Variants in DTNB observed in about 807,000 individuals in gnomAD.
DTNB encodes dystrobrevin beta, also known as DTN-B.
Under a neutral mutation model 90.7 loss-of-function variants are expected in DTNB, and 63 were observed. The ratio of observed to expected loss-of-function variants is 0.69; its 90% CI spans 0.57 to 0.86. The LOEUF (loss-of-function observed/expected upper bound fraction) is 0.86. DTNB is among the 40% of genes least tolerant of loss of function. DTNB has a pLI of 0.00. For synonymous variants in DTNB, 277 were observed against 286.7 expected, an observed-to-expected ratio of 0.97 and a Z score of 0.34; for missense variants, 744 against 807.1, an observed-to-expected ratio of 0.92 and a Z score of 0.95.
chr2:25,451,100 A>G (rs894023927), intron 12 of DTNB, among the ~76,000 whole-genome samples: 1 of 152,192 alleles, frequency 6.6e-6, no homozygotes, highest in African/African-American at 2.4e-5. Context: ...ATCTTGTAGC[A>G]ATACTATAAA....
chr2:25,388,971 C>T (rs574301037), intron 16 of DTNB, among the ~76,000 whole-genome samples: 30 of 152,154 alleles, frequency 2.0e-4, no homozygotes, highest in East Asian at 3.9e-4. Context: ...TTCAGCCTCC[C>T]GAGTAGCTGG....
chr2:25,561,419 G>A (rs1430119317), intron 8 of DTNB, among the ~76,000 whole-genome samples: 2 of 152,158 alleles, frequency 1.3e-5, no homozygotes, highest in Non-Finnish European at 2.9e-5. Context: ...TCCAATGTCA[G>A]TTTAAATGTC....
intron 8 of DTNB, among the ~76,000 whole-genome samples, chr2:25,563,005 A>G (rs540418774): frequency 6.6e-6 from 1 of 152,284 alleles, no homozygotes; most frequent in East Asian, 1.9e-4. Flanking sequence ...CCTGGAGTCA[A>G]GCAATCCATC....
At position 25,580,693 on chromosome 2, in the gene DTNB, G is replaced by A. The variant is rs183172377; in HGVS notation, c.709+28C>T. On this transcript the variant is annotated intron_variant, in intron 7 of 20. Coordinates refer to ENST00000406818, the MANE Select transcript of DTNB (RefSeq NM_021907.5). ...AGTTCCTATACTTTCTATAGCATGC[G>A]GAATTGAACAATAAAAGTTCTGCTT... 6.0e-3 allele frequency: 9,436 copies of A among 1,578,704 alleles called. 47 individuals carry two copies. The highest frequency in any genetic ancestry group is 8.0e-3 in the Middle Eastern group (48 of 6,002).
intron 16 of DTNB, among the ~76,000 whole-genome samples, chr2:25,410,920 A>C (rs1558402391): frequency 6.6e-6 from 1 of 151,010 alleles, no homozygotes; most frequent in African/African-American, 2.4e-5. Flanking sequence ...TAAACAACTT[A>C]GGAACTGCCT....
chr2:25,599,423 G>C (rs2065358173), intron 5 of DTNB, among the ~76,000 whole-genome samples: 1 of 151,490 alleles, frequency 6.6e-6, no homozygotes, highest in Non-Finnish European at 1.5e-5. Flanking sequence ...CTCACTGCAA[G>C]CTCCACCTCC....
intron 4 of DTNB, among the ~76,000 whole-genome samples, chr2:25,616,961 AAG>A: frequency 1.3e-5 from 2 of 151,166 alleles, no homozygotes; most frequent in African/African-American, 2.4e-5. Context: ...AAGGAAAAAA[AAG>A]ACTCATTAAC....
At chr2:25,655,181 A>G (rs571465380) in intron 1 of DTNB, among the ~76,000 whole-genome samples, 1 of 152,330 alleles carries the variant, frequency 6.6e-6, no homozygotes, top group African/African-American at 2.4e-5. Context: ...GCAAATTACA[A>G]AGATTGAATT....
chr2:25,531,344 C>T (rs2078137012), intron 9 of DTNB, 129 bp downstream of exon 9: 2 of 1,405,374 alleles, frequency 1.4e-6, no homozygotes, highest in African/African-American at 2.9e-5. Flanking sequence ...GTCTTAAGTT[C>T]CCACAAAAGA....
intron 8 of DTNB, among the ~76,000 whole-genome samples, chr2:25,532,592 T>C (rs935126297): frequency 3.3e-5 from 5 of 152,214 alleles, no homozygotes; most frequent in Non-Finnish European, 4.4e-5. Flanking sequence ...GTAAGCAACA[T>C]GCCACAATTA....
intron 9 of DTNB, among the ~76,000 whole-genome samples, chr2:25,489,835 T>C (rs1234818931): frequency 6.6e-6 from 1 of 152,046 alleles, no homozygotes; most frequent in Non-Finnish European, 1.5e-5. Flanking sequence ...CCTGAACAAA[T>C]GTGACACAGC....
intron 9 of DTNB, among the ~76,000 whole-genome samples, chr2:25,505,265 C>G (rs1304566733): frequency 6.6e-6 from 1 of 152,172 alleles, no homozygotes; most frequent in Non-Finnish European, 1.5e-5. Flanking sequence ...CCTCTCCACT[C>G]AAGGCCTCCT....
chr2:25,507,619 C>T (rs2072802229), intron 9 of DTNB, among the ~76,000 whole-genome samples: 1 of 152,146 alleles, frequency 6.6e-6, no homozygotes, highest in Admixed American at 6.5e-5. Context: ...CCTCGTCCAC[C>T]CAAGTCTTCC....
chr2:25,414,534 A>G (rs1052134677), intron 16 of DTNB, among the ~76,000 whole-genome samples: 1 of 152,182 alleles, frequency 6.6e-6, no homozygotes. Flanking sequence ...GATTACAGGC[A>G]TGAGCCACCA....
intron 3 of DTNB, among the ~76,000 whole-genome samples, chr2:25,631,746 A>C (rs72797675): frequency 3.2e-3 from 486 of 152,318 alleles, no homozygotes; most frequent in Non-Finnish European, 5.4e-3. Context: ...TCTCTTAATA[A>C]GTGATAGTGC....
At chr2:25,655,469 G>A (rs2081891829) in intron 1 of DTNB, among the ~76,000 whole-genome samples, 1 of 152,180 alleles carries the variant, frequency 6.6e-6, no homozygotes. Context: ...GTACTGGCAA[G>A]AACTGGAAGA....
chr2:25,651,472 AG>A (rs1361785067), intron 2 of DTNB, among the ~76,000 whole-genome samples: 1 of 152,238 alleles, frequency 6.6e-6, no homozygotes, highest in Non-Finnish European at 1.5e-5. Context: ...GGTGAGGTGG[AG>A]GGAAGTGACT....
At chr2:25,483,118 G>A (rs2150390975) in intron 9 of DTNB, among the ~76,000 whole-genome samples, 2 of 152,284 alleles carry the variant, frequency 1.3e-5, no homozygotes, top group Non-Finnish European at 2.9e-5. Context: ...AATTCAGCAA[G>A]AGGTTCTCCC....
chr2:25,619,763 CG>C (rs1327899459), intron 4 of DTNB, among the ~76,000 whole-genome samples: 1 of 152,028 alleles, frequency 6.6e-6, no homozygotes, highest in Non-Finnish European at 1.5e-5. Flanking sequence ...GGGTTGAGGC[CG>C]GGTGCAGTGG....
Sources: allele counts gnomAD v4.1 joint callset (sites outside exome capture counted in the v4.1 genomes callset), GRCh38; gene constraint gnomAD v4.1.1; transcripts MANE v1.5; gene names NCBI Gene and HGNC (gene_info 2026-07-23, HGNC 2026-07-21).